Variants in BAIAP2 observed in about 807,000 individuals in gnomAD.
BAIAP2 encodes the protein BAR/IMD domain-containing adapter protein 2.
In BAIAP2, 18 loss-of-function variants were observed where a neutral mutation model predicts 63.0. The ratio of observed to expected loss-of-function variants is 0.29; its 90% CI spans 0.20 to 0.42. The LOEUF (loss-of-function observed/expected upper bound fraction) is 0.42. Ranked by LOEUF, BAIAP2 falls within the 10% of genes least tolerant of loss-of-function variation. The pLI, the probability that BAIAP2 is intolerant of heterozygous loss-of-function variation, is 1.00. For synonymous variants in BAIAP2, 386 were observed against 307.6 expected (o/e 1.25, Z -2.67); for missense variants, 610 against 734.3 (o/e 0.83, Z 1.96).
At chr17:81,058,763 G>A (rs934006480) in intron 3 of BAIAP2, among the ~76,000 whole-genome samples, 1 of 152,194 alleles carries the variant, frequency 6.6e-6, no homozygotes, top group Non-Finnish European at 1.5e-5. Context: ...CCGTCTCCCC[G>A]TGGCCGCCAA....
chr17:81,079,170 C>T (rs1292086406), intron 3 of BAIAP2, among the ~76,000 whole-genome samples: 4 of 152,216 alleles, frequency 2.6e-5, no homozygotes, highest in African/African-American at 9.6e-5. Context: ...TCAGCCTCAC[C>T]TGACTCAGGT....
intron 2 of BAIAP2, among the ~76,000 whole-genome samples, chr17:81,055,073 C>T (rs1010114273): frequency 1.3e-5 from 2 of 152,300 alleles, no homozygotes; most frequent in Admixed American, 6.5e-5. Flanking sequence ...TCTGCCGGCG[C>T]CCCCGGCTCC....
At chr17:81,073,916 A>G (rs572784103) in intron 3 of BAIAP2, among the ~76,000 whole-genome samples, 7 of 152,294 alleles carry the variant, frequency 4.6e-5, no homozygotes, top group Non-Finnish European at 2.9e-5. Flanking sequence ...AAGCCCGTGT[A>G]TCACTTATTT....
chr17:81,103,666 C>T lies in BAIAP2; in HGVS notation c.807C>T (p.Asp269=). The part of the protein sequence containing the change: ...SASKSNLVIS[D]PIPGAKPLPV... ...CCAAGTCCAACCTGGTCATTTCCGA[C>T]CCCATTCCGGGGGCCAAGCCCCTGC... The change falls in exon 8 of 14, where the codon GAC becomes GAT. Residue 269 remains aspartate (D), a synonymous_variant. Coordinates refer to ENST00000428708, the MANE Select transcript of BAIAP2 (RefSeq NM_001144888.2). The T allele has an allele frequency of 1.2e-6, 2 of 1,601,072 alleles. No homozygotes were observed. Among genetic ancestry groups the T allele is most frequent in the Non-Finnish European group, 1.7e-6 (2 of 1,174,808 alleles).
At chr17:81,065,353 CTG>C (rs1472903788) in intron 3 of BAIAP2, among the ~76,000 whole-genome samples, 1 of 152,204 alleles carries the variant, frequency 6.6e-6, no homozygotes, top group Non-Finnish European at 1.5e-5. Context: ...CCTCAGGAAT[CTG>C]GGGAATTTGC....
intron 3 of BAIAP2, among the ~76,000 whole-genome samples, chr17:81,061,146 G>T (rs532663611): frequency 6.6e-6 from 1 of 152,164 alleles, no homozygotes; most frequent in Non-Finnish European, 1.5e-5. Flanking sequence ...AGACATCATC[G>T]AAAGGATTCT....
At chr17:81,098,228 C>T in intron 6 of BAIAP2, 1 of 1,299,190 alleles carries the variant, frequency 7.7e-7, no homozygotes, top group Non-Finnish European at 9.8e-7. Context: ...CACCCATGGG[C>T]AGGCTGGGAG....
chr17:81,067,427 C>T (rs1298636938), intron 3 of BAIAP2, among the ~76,000 whole-genome samples: 1 of 152,216 alleles, frequency 6.6e-6, no homozygotes, highest in Non-Finnish European at 1.5e-5. Flanking sequence ...CCTTGTTCCC[C>T]TCTGGCTGTG....
rs368782848 is a variant in BAIAP2, at chr17:81,106,164, C to G, written c.1337+18C>G. On this transcript the variant is annotated intron_variant, in intron 11 of 13. Transcript: ENST00000428708. The stretch of plus-strand genomic sequence containing the variant: ...CACATGAGGTGAGCTCTGGGCCCAA[C>G]GGGAGTGTAAGATCCCCAGCTCGGG... 6.4e-7 allele frequency: 1 copy of G among 1,567,108 alleles called. No individual in the cohort carries two copies. The highest frequency in any genetic ancestry group is 8.7e-7 in the Non-Finnish European group (1 of 1,155,594).
chr17:81,066,194 A>G (rs1163329491), intron 3 of BAIAP2, among the ~76,000 whole-genome samples: 1 of 152,188 alleles, frequency 6.6e-6, no homozygotes, highest in East Asian at 1.9e-4. Flanking sequence ...TGCCCACAGC[A>G]TGCTTGTTTG....
chr17:81,051,922 T>A (rs1264090461), intron 1 of BAIAP2, among the ~76,000 whole-genome samples: 2 of 152,178 alleles, frequency 1.3e-5, no homozygotes, highest in Non-Finnish European at 2.9e-5. Context: ...ACGCTTGGGC[T>A]CAAGTGATCT....
chr17:81,047,278 C>CA (rs777835859), intron 1 of BAIAP2, among the ~76,000 whole-genome samples: 8 of 152,264 alleles, frequency 5.3e-5, no homozygotes, highest in Non-Finnish European at 1.0e-4. Flanking sequence ...CAAGAGCTGA[C>CA]AGGCTGGCCC....
At chr17:81,037,031 C>T (rs554696867) in intron 1 of BAIAP2, 15 of 1,323,964 alleles carry the variant, frequency 1.1e-5, no homozygotes, top group Middle Eastern at 2.2e-4. Context: ...CTCTCCTAAC[C>T]GGGCAGTAGG....
chr17:81,036,949 G>C, intron 1 of BAIAP2: 1 of 1,535,916 alleles, frequency 6.5e-7, no homozygotes, highest in Non-Finnish European at 8.7e-7. Flanking sequence ...TTCGTGGTGA[G>C]AGTTGGCAGG....
At chr17:81,114,918 C>T (rs2060345029) in intron 13 of BAIAP2, among the ~76,000 whole-genome samples, 1 of 152,246 alleles carries the variant, frequency 6.6e-6, no homozygotes, top group Non-Finnish European at 1.5e-5. Flanking sequence ...CCAAGCACAG[C>T]TTTGCCAGAG....
intron 1 of BAIAP2, among the ~76,000 whole-genome samples, chr17:81,037,511 C>T (rs1385465285): frequency 6.6e-6 from 1 of 152,232 alleles, no homozygotes. Context: ...CAATGTCAGC[C>T]AGGCAGAAAC....
chr17:81,039,090 C>A (rs1445023013), intron 1 of BAIAP2, among the ~76,000 whole-genome samples: 1 of 152,262 alleles, frequency 6.6e-6, no homozygotes, highest in Non-Finnish European at 1.5e-5. Context: ...TCTGCTGTCA[C>A]TGAGTAGACC....
rs35504870 is a variant in BAIAP2, at chr17:81,080,087, G to A, written c.218-4745G>A. On this transcript the variant is annotated intron_variant, in intron 3 of 13. Coordinates refer to ENST00000428708, the MANE Select transcript of BAIAP2 (RefSeq NM_001144888.2). Reference sequence around the variant, plus strand: ...CGCGGACAAGACTTAGTTGCTCAGCGGAACTCACTGCCCCTACCGGTGCCT... The same window carrying A: ...CGCGGACAAGACTTAGTTGCTCAGCAGAACTCACTGCCCCTACCGGTGCCT... Among the ~76,000 whole-genome samples the A allele has an allele frequency of 4.2e-3, 646 of 152,318 alleles. 2 individuals are homozygous for A. The highest frequency in any genetic ancestry group is 6.4e-3 in the Non-Finnish European group (436 of 68,020).
rs776967516 is a variant in BAIAP2 at position 81,085,713 on chromosome 17, C to T, written c.339C>T (p.Ser113=). The change falls in exon 5 of 14, where the codon TCC becomes TCT. Residue 113 remains serine, a synonymous_variant. Transcript: ENST00000428708. ...TGGAGCAGAAGGTGGAGCTGGACTCCAGGTATCTGAGTGTAAGTGCACCCT... is the reference window on the plus strand; with the variant it reads ...TGGAGCAGAAGGTGGAGCTGGACTCTAGGTATCTGAGTGTAAGTGCACCCT... ...TQLEQKVELD[S]RYLSAALKKY... is the part of the protein sequence containing the mutation. The T allele has an allele frequency of 1.2e-6, 2 of 1,613,590 alleles. No homozygotes were observed. The highest frequency in any genetic ancestry group is 1.7e-6 in the Non-Finnish European group (2 of 1,179,880).
Sources: allele counts gnomAD v4.1 joint callset (sites outside exome capture counted in the v4.1 genomes callset), GRCh38; gene constraint gnomAD v4.1.1; transcripts MANE v1.5; gene names NCBI Gene and HGNC (gene_info 2026-07-23, HGNC 2026-07-21).